The following ABCA5 variants were observed in gnomAD, a reference collection of about 807,000 sequenced individuals.
ABCA5 encodes the protein cholesterol transporter ABCA5.
Under a neutral mutation model 206.0 loss-of-function variants are expected in ABCA5, and 163 were observed. The observed-to-expected ratio is 0.79, with a 90% CI of 0.70 to 0.90. The LOEUF (loss-of-function observed/expected upper bound fraction) is 0.90, where lower values mean the gene tolerates loss of function less well. ABCA5 is among the 40% of genes least tolerant of loss of function. The probability of loss-of-function intolerance (pLI) is 0.00; values close to 1 mark genes in which losing one functional copy is unlikely to be tolerated. For missense variants in ABCA5, 1,859 were observed against 1,912.9 expected, an observed-to-expected ratio of 0.97 and a Z score of 0.53; for synonymous variants, 609 against 613.8, an observed-to-expected ratio of 0.99 and a Z score of 0.11.
In ABCA5 at chr17:69,320,396, T is replaced by C. The variant is rs144372583; in HGVS notation, c.-15-5966A>G. Among the ~76,000 whole-genome samples the C allele has an allele frequency of 8.6e-3, 1,304 of 152,238 alleles. 12 individuals carry two copies. Among genetic ancestry groups the C allele is most frequent in the Non-Finnish European group, 0.011 (719 of 68,010 alleles). On this transcript the variant is annotated intron_variant, in intron 1 of 38. Transcript: ENST00000392676. ...AAAAATGATGAAAGTATTAACTCTG[T>C]CATCAAATTATACCAATGACTCAGT...
intron 11 of ABCA5, among the ~76,000 whole-genome samples, chr17:69,291,771 AAG>A (rs2075528484): frequency 6.6e-6 from 1 of 152,168 alleles, no homozygotes; most frequent in Non-Finnish European, 1.5e-5. Flanking sequence ...GGAATGAAGG[AAG>A]ACAGGAGATG....
intron 1 of ABCA5, chr17:69,317,245 A>C (rs2075825236): frequency 6.6e-6 from 1 of 151,968 alleles, no homozygotes; most frequent in Admixed American, 6.6e-5. Flanking sequence ...AAAAAAAAAT[A>C]TACAAAAATT....
At chr17:69,291,367 T>TC (rs1379760347) in intron 11 of ABCA5, 41 bp from the exon 12 acceptor site, 2 of 1,251,720 alleles carry the variant, frequency 1.6e-6, no homozygotes, top group African/African-American at 3.0e-5. Flanking sequence ...AATTTTTATG[T>TC]CTGTTCAGCT....
chr17:69,319,397 T>C (rs1280342356), intron 1 of ABCA5, among the ~76,000 whole-genome samples: 1 of 152,200 alleles, frequency 6.6e-6, no homozygotes, highest in Non-Finnish European at 1.5e-5. Context: ...AACTGCTTCC[T>C]GAACTCAAGG....
rs747608611 is a variant in ABCA5, at chr17:69,248,296, T to C, written c.4787A>G (p.Glu1596Gly). ...TGTTGCTTGAGAAAAGCTATATTCTTCAATGGCAAAAGCATGTTTAGCTAT... is the reference window on the plus strand; with the variant it reads ...TGTTGCTTGAGAAAAGCTATATTCTCCAATGGCAAAAGCATGTTTAGCTAT... Reference protein sequence around the residue: ...LEEAKHAFAIEEYSFSQATLE... With the variant: ...LEEAKHAFAIGEYSFSQATLE... The change falls in exon 38 of 39, where the codon GAA (glutamate) becomes GGA (glycine). Residue 1596 changes from glutamate to glycine, a missense_variant. By Grantham distance (98) the Glu-to-Gly change is moderately conservative. Coordinates refer to ENST00000392676, the MANE Select transcript of ABCA5 (RefSeq NM_172232.4). The C allele has an allele frequency of 1.3e-6, 2 of 1,567,984 alleles. No individual in the cohort carries two copies. Among genetic ancestry groups the C allele is most frequent in the Admixed American group, 3.4e-5 (2 of 58,576 alleles).
chr17:69,288,639 C>T (rs55773491), intron 14 of ABCA5, among the ~76,000 whole-genome samples: 59,937 of 150,292 alleles, frequency 0.4, 12,703 homozygotes, highest in Middle Eastern at 0.52. Context: ...AAGGCAAAGG[C>T]GGGAGGATCG....
rs535577128 is a variant in ABCA5, at chr17:69,322,062, T to A, written c.-16+4990A>T. Among the ~76,000 whole-genome samples the A allele has an allele frequency of 1.7e-4, 26 of 152,228 alleles. 1 individual carries two copies. The South Asian group carries it at 2.3e-3, about 13-fold the overall frequency. ...AGTTCAATATCAAAAATTCACTTCT[T>A]AATTTATCTTAAAGTACTGGTTACT... On this transcript the variant is annotated intron_variant, in intron 1 of 38. Coordinates refer to ENST00000392676, the MANE Select transcript of ABCA5 (RefSeq NM_172232.4).
Position 69,326,189 on chromosome 17 carries a change from C to A in ABCA5, c.-16+863G>T, listed in dbSNP as rs140323679. On this transcript the variant is annotated intron_variant, in intron 1 of 38. Transcript: ENST00000392676. The surrounding 1 kb of genome is among the most constrained non-coding windows in gnomAD (Gnocchi z 4.8). The stretch of plus-strand genomic sequence containing the variant: ...ACCTCTTTGAGGCCCATTCTCCACA[C>A]CTGCCCAACTGGAATAACCCCCTCC... Among the ~76,000 whole-genome samples, 6 of 152,314 alleles carry A rather than the reference C, an allele frequency of 3.9e-5. No homozygotes were observed. Among genetic ancestry groups the A allele is most frequent in the African/African-American group, 1.2e-4 (5 of 41,554 alleles).
rs1216505147 is a variant in ABCA5, at chr17:69,244,681, C to A, written c.*2856G>T. On this transcript the variant is annotated 3_prime_UTR_variant, in exon 39 of 39. Transcript: ENST00000392676. ...CATTTCTATTTCTCAAAAATTAATG[C>A]CTATTTACATGTTACACAAAAATAC... The A allele has an allele frequency of 6.6e-6, 1 of 151,138 alleles. No homozygotes were observed. The highest frequency in any genetic ancestry group is 2.4e-5 in the African/African-American group (1 of 41,248). 9.4% of individuals were successfully genotyped at this position (151,138 alleles called of 1,614,324 possible).
intron 28 of ABCA5, among the ~76,000 whole-genome samples, chr17:69,256,866 A>G (rs1415325810): frequency 6.6e-6 from 1 of 152,136 alleles, no homozygotes; most frequent in African/African-American, 2.4e-5. Flanking sequence ...TATTACACAG[A>G]AAGAAAGATG....
At chr17:69,256,889 C>A (rs865799321) in intron 28 of ABCA5, among the ~76,000 whole-genome samples, 25 of 152,008 alleles carry the variant, frequency 1.6e-4, no homozygotes, top group Non-Finnish European at 2.9e-4. Context: ...AAAACATGAA[C>A]CTTGCCCTCA....
chr17:69,288,335 A>G (rs1316315423), intron 14 of ABCA5, among the ~76,000 whole-genome samples: 2 of 152,172 alleles, frequency 1.3e-5, no homozygotes, highest in South Asian at 2.1e-4. Context: ...GTGGTACATC[A>G]GTTGTTTCTC....
chr17:69,293,886 T>TG (rs1567771944), intron 11 of ABCA5, among the ~76,000 whole-genome samples: 2,943 of 64,418 alleles, frequency 0.046, 119 homozygotes, highest in Admixed American at 0.18. Flanking sequence ...GTGTGTGTGT[T>TG]TGTGTGTGTG....
intron 19 of ABCA5, among the ~76,000 whole-genome samples, chr17:69,275,662 T>C (rs1237323461): frequency 6.6e-6 from 1 of 152,208 alleles, no homozygotes; most frequent in East Asian, 1.9e-4. Flanking sequence ...ATAGGGAATA[T>C]AAGAGTAATA....
At chr17:69,295,154 G>A (rs181506386) in intron 10 of ABCA5, among the ~76,000 whole-genome samples, 150 of 152,174 alleles carry the variant, frequency 9.9e-4, no homozygotes, top group African/African-American at 3.2e-3. Flanking sequence ...TATCAATGCC[G>A]TCAGTTCACA....
chr17:69,305,923 A>T (rs1411661352), intron 6 of ABCA5, among the ~76,000 whole-genome samples: 1 of 152,222 alleles, frequency 6.6e-6, no homozygotes, highest in Non-Finnish European at 1.5e-5. Flanking sequence ...AAGAAAAACA[A>T]GCAAAGGAAA....
In ABCA5 at chr17:69,306,868, G is replaced by C. The variant is rs770575696; in HGVS notation, c.645C>G (p.Thr215=). 2 of 1,602,332 alleles carry C rather than the reference G, an allele frequency of 1.2e-6. No individual in the cohort carries two copies. Among genetic ancestry groups the C allele is most frequent in the Admixed American group, 3.4e-5 (2 of 58,962 alleles). Residue 215 remains threonine, a synonymous_variant, in exon 6 of 39, where the codon ACC becomes ACG. Coordinates refer to ENST00000392676, the MANE Select transcript of ABCA5 (RefSeq NM_172232.4). ...MGETAVVEID[T]FPRGVILIYL... ...ATATTAAAATTACTCCTCGGGGAAA[G>C]GTATCTATTTCTACAACAGCAGTTT...
At chr17:69,315,584 AC>A (rs2075808673) in intron 1 of ABCA5, among the ~76,000 whole-genome samples, 1 of 152,264 alleles carries the variant, frequency 6.6e-6, no homozygotes, top group East Asian at 1.9e-4. Flanking sequence ...GGAGTTTGAG[AC>A]CAGCCTGACC....
chr17:69,270,394 C>G (rs1407147583), intron 22 of ABCA5, among the ~76,000 whole-genome samples: 2 of 151,958 alleles, frequency 1.3e-5, no homozygotes, highest in African/African-American at 4.8e-5. Flanking sequence ...ATTCCTTATA[C>G]AAATATTAAT....
Sources: allele counts gnomAD v4.1 joint callset (sites outside exome capture counted in the v4.1 genomes callset), GRCh38; gene constraint gnomAD v4.1.1; non-coding constraint Gnocchi (gnomAD v3.1); transcripts MANE v1.5; gene names NCBI Gene and HGNC (gene_info 2026-07-23, HGNC 2026-07-21).